Variants in CSMD1 observed in about 807,000 individuals in gnomAD.
CSMD1 encodes the protein CUB and Sushi multiple domains 1.
In CSMD1, 213 loss-of-function variants were observed where a neutral mutation model predicts 417.5. The ratio of observed to expected loss-of-function variants is 0.51; its 90% CI spans 0.46 to 0.57. The LOEUF (loss-of-function observed/expected upper bound fraction) is 0.57, where lower values mean the gene tolerates loss of function less well. Ranked by LOEUF, CSMD1 falls within the 20% of genes least tolerant of loss-of-function variation. The pLI is 0.00. For missense variants in CSMD1, 6,923 were observed against 4,529.7 expected (o/e 1.53, Z -15.17); for synonymous variants, 2,862 against 1,736.8 (o/e 1.65, Z -16.11).
intron 40 of CSMD1, among the ~76,000 whole-genome samples, chr8:3,148,426 T>C (rs1286301451): frequency 3.3e-5 from 5 of 152,164 alleles, no homozygotes; most frequent in African/African-American, 1.2e-4. Flanking sequence ...GCTGTGGGTA[T>C]AAATTAGGAA....
chr8:4,418,192 T>A (rs1266176601), intron 3 of CSMD1, among the ~76,000 whole-genome samples: 1 of 152,040 alleles, frequency 6.6e-6, no homozygotes, highest in Non-Finnish European at 1.5e-5. Context: ...AATATCACCA[T>A]TTCAAATCGA....
At chr8:4,735,987 G>A (rs994479846) in intron 1 of CSMD1, among the ~76,000 whole-genome samples, 12 of 152,162 alleles carry the variant, frequency 7.9e-5, no homozygotes, top group Non-Finnish European at 1.6e-4. Context: ...TGAGTTCATA[G>A]CTTGATTTTC....
rs780357418 is a variant in CSMD1 at position 3,992,231 on chromosome 8, T to G, written c.818+5672A>C. Among the ~76,000 whole-genome samples, 7 of 152,090 alleles carry G rather than the reference T, an allele frequency of 4.6e-5. No individual in the cohort carries two copies. In the East Asian group the frequency reaches 1.4e-3, roughly 29 times the overall value. ...TCCCATTTATGCTATACTAAACACT[T>G]CTAAAAAACAACACTTCTAAGCTCT... On this transcript the variant is annotated intron_variant, in intron 5 of 69. Transcript: ENST00000635120.
At chr8:4,073,578 G>A (rs569028126) in intron 3 of CSMD1, among the ~76,000 whole-genome samples, 1 of 152,078 alleles carries the variant, frequency 6.6e-6, no homozygotes, top group Non-Finnish European at 1.5e-5. Context: ...CAGTATGAGG[G>A]ATATATTCAC....
intron 1 of CSMD1, among the ~76,000 whole-genome samples, chr8:4,897,107 G>C (rs762088637): frequency 6.6e-6 from 1 of 151,886 alleles, no homozygotes; most frequent in Admixed American, 6.6e-5. Flanking sequence ...CTTGACTTTG[G>C]GTATTTTATT....
intron 26 of CSMD1, among the ~76,000 whole-genome samples, chr8:3,277,777 T>A (rs7835122): frequency 0.56 from 85,039 of 151,960 alleles, 23,956 homozygotes; most frequent in African/African-American, 0.6. Context: ...GGTGTTTCCT[T>A]AGGAGTACCA....
Position 4,969,970 on chromosome 8 carries a change from A to T in CSMD1, c.85+24362T>A, listed in dbSNP as rs192958610. ...AACATGAAACATTTGTGTATTTTAC[A>T]TACGTACCATGCCTTCCATGGTCCG... On this transcript the variant is annotated intron_variant, in intron 1 of 69. Transcript: ENST00000635120. Among the ~76,000 whole-genome samples the T allele has an allele frequency of 4.0e-3, 602 of 151,788 alleles. 4 individuals are homozygous for T. Among genetic ancestry groups the T allele is most frequent in the African/African-American group, 0.014 (573 of 41,220 alleles).
chr8:3,311,456 T>C, intron 23 of CSMD1, among the ~76,000 whole-genome samples: 1 of 152,120 alleles, frequency 6.6e-6, no homozygotes, highest in East Asian at 1.9e-4. Flanking sequence ...CACCACGTTG[T>C]CTAGGCTTGT....
At chr8:4,018,945 T>G (rs531730158) in intron 4 of CSMD1, among the ~76,000 whole-genome samples, 1 of 152,214 alleles carries the variant, frequency 6.6e-6, no homozygotes, top group Non-Finnish European at 1.5e-5. Flanking sequence ...GTAAGGCATG[T>G]AAACATTGTC....
At chr8:4,917,509 C>A (rs569928510) in intron 1 of CSMD1, among the ~76,000 whole-genome samples, 5 of 152,144 alleles carry the variant, frequency 3.3e-5, no homozygotes, top group Non-Finnish European at 7.3e-5. Flanking sequence ...TGGCGGGTGC[C>A]TGTACTCCCA....
chr8:4,832,691 T>G (rs540742815), intron 1 of CSMD1, among the ~76,000 whole-genome samples: 1 of 152,316 alleles, frequency 6.6e-6, no homozygotes, highest in Non-Finnish European at 1.5e-5. Context: ...AACTCTCAGG[T>G]AAATGTAACA....
chr8:3,255,445 G>A (rs181660640), intron 26 of CSMD1, among the ~76,000 whole-genome samples: 1 of 152,196 alleles, frequency 6.6e-6, no homozygotes, highest in Non-Finnish European at 1.5e-5. Flanking sequence ...GCCTTTTGTT[G>A]TCTGTGCCCT....
intron 5 of CSMD1, among the ~76,000 whole-genome samples, chr8:3,887,056 C>A (rs1352003028): frequency 6.6e-6 from 1 of 152,164 alleles, no homozygotes. Flanking sequence ...CATTTTCCCA[C>A]CTACACATCA....
intron 52 of CSMD1, among the ~76,000 whole-genome samples, chr8:3,016,117 C>T (rs988685571): frequency 2.6e-5 from 4 of 152,158 alleles, no homozygotes; most frequent in East Asian, 1.9e-4. Context: ...ACTTCCTGTA[C>T]GTTCTAATCA....
At chr8:3,134,963 G>A (rs1817996060) in intron 41 of CSMD1, among the ~76,000 whole-genome samples, 1 of 152,074 alleles carries the variant, frequency 6.6e-6, no homozygotes, top group Non-Finnish European at 1.5e-5. Flanking sequence ...TCACTTTGAT[G>A]CCCAGGCTGG....
At chr8:3,770,875 T>G (rs965834062) in intron 5 of CSMD1, among the ~76,000 whole-genome samples, 1 of 152,198 alleles carries the variant, frequency 6.6e-6, no homozygotes, top group Non-Finnish European at 1.5e-5. Context: ...GCTCATATTT[T>G]TTAGTCTCAT....
At chr8:3,743,599 C>G (rs968587368) in intron 6 of CSMD1, among the ~76,000 whole-genome samples, 6 of 152,122 alleles carry the variant, frequency 3.9e-5, no homozygotes, top group African/African-American at 1.4e-4. Context: ...AAAAGTCAAG[C>G]TGGGAACTAG....
intron 5 of CSMD1, among the ~76,000 whole-genome samples, chr8:3,763,125 A>G (rs181056541): frequency 8.8e-4 from 134 of 152,342 alleles, no homozygotes; most frequent in Admixed American, 1.4e-3. Flanking sequence ...TAGGCACTCA[A>G]TGCACATTGG....
chr8:3,983,055 T>G (rs1814009024), intron 5 of CSMD1, among the ~76,000 whole-genome samples: 1 of 151,920 alleles, frequency 6.6e-6, no homozygotes, highest in Non-Finnish European at 1.5e-5. Context: ...CAATCCAAGT[T>G]GGCTGACTCT....
Sources: gnomAD v4.1 joint callset for allele counts (sites outside exome capture counted in the v4.1 genomes callset) on GRCh38, gnomAD v4.1.1 for gene constraint, MANE v1.5 for transcripts, NCBI Gene and HGNC (gene_info 2026-07-23, HGNC 2026-07-21) for gene names.